FTCDNL1: variants seen among roughly 807,000 people sequenced by gnomAD.
FTCDNL1 encodes the protein formiminotransferase cyclodeaminase N-terminal like, also known as formiminotransferase N-terminal subdomain-containing protein.
Under a neutral mutation model 5.9 loss-of-function variants are expected in FTCDNL1, and 11 were observed. That is an observed-to-expected ratio of 1.87 (90% CI 1.18 to 3.10). The LOEUF (loss-of-function observed/expected upper bound fraction) is 3.10, where lower values mean the gene tolerates loss of function less well. Among genes scored for constraint, FTCDNL1 ranks in the 30% most tolerant of loss-of-function variants. The probability of loss-of-function intolerance (pLI) is 0.00; values close to 1 mark genes in which losing one functional copy is unlikely to be tolerated. For synonymous variants in FTCDNL1, 58 were observed against 24.8 expected (o/e 2.34, Z -3.99); for missense variants, 115 against 65.5 (o/e 1.76, Z -2.61).
chr2:199,673,155 C>T, the FTCDNL1 span, among the ~76,000 whole-genome samples: 146 of 151,834 alleles, frequency 9.6e-4, 1 homozygote, highest in African/African-American at 3.4e-3. Flanking sequence ...TGGTGAAACC[C>T]CGTCTCTACT....
At position 199,834,630 on chromosome 2, in the gene FTCDNL1, G is replaced by A. The variant is rs539240745; in HGVS notation, c.211+11445C>T. On this transcript the variant is annotated intron_variant, in intron 3 of 4. Transcript: ENST00000420128. ...GGGGTAGTCCCAGCCGCCAATACTAGTTTGATCAGTAATAAAGTTATTGTA... is the reference window on the plus strand; with the variant it reads ...GGGGTAGTCCCAGCCGCCAATACTAATTTGATCAGTAATAAAGTTATTGTA... Among the ~76,000 whole-genome samples, 3 of 152,248 alleles carry A rather than the reference G, an allele frequency of 2.0e-5. No individual in the cohort carries two copies. The South Asian group carries it at 6.2e-4, about 32-fold the overall frequency.
intron 3 of FTCDNL1, among the ~76,000 whole-genome samples, chr2:199,829,401 T>C (rs1484564419): frequency 6.6e-6 from 1 of 152,224 alleles, no homozygotes; most frequent in African/African-American, 2.4e-5. Context: ...TATCTAGCAC[T>C]TTCTTTTCAG....
At chr2:199,736,506 A>T in the FTCDNL1 span, among the ~76,000 whole-genome samples, 2 of 152,362 alleles carry the variant, frequency 1.3e-5, no homozygotes, top group Admixed American at 6.5e-5. Context: ...TACCTGCAGC[A>T]TTCTCCCTTA....
chr2:199,695,182 T>C, the FTCDNL1 span, among the ~76,000 whole-genome samples: 1 of 152,214 alleles, frequency 6.6e-6, no homozygotes, highest in South Asian at 2.1e-4. Context: ...AGAAAGAACT[T>C]CAAAATCACA....
At chr2:199,842,603 C>G (rs777184255) in intron 3 of FTCDNL1, among the ~76,000 whole-genome samples, 33 of 152,184 alleles carry the variant, frequency 2.2e-4, no homozygotes, top group Non-Finnish European at 4.3e-4. Context: ...ACTTTGGACC[C>G]ACTTTAAGAA....
At chr2:199,732,152 G>GC in the FTCDNL1 span, among the ~76,000 whole-genome samples, 1 of 152,162 alleles carries the variant, frequency 6.6e-6, no homozygotes, top group African/African-American at 2.4e-5. Flanking sequence ...TTCACTCTCA[G>GC]CCTCCTTTTG....
the FTCDNL1 span, among the ~76,000 whole-genome samples, chr2:199,674,909 A>G: frequency 1.2e-3 from 178 of 152,346 alleles, 1 homozygote; most frequent in African/African-American, 4.1e-3. Context: ...GAACATCAAT[A>G]GAGGAGGTAA....
the FTCDNL1 span, among the ~76,000 whole-genome samples, chr2:199,723,636 G>A: frequency 5.9e-5 from 9 of 152,092 alleles, no homozygotes; most frequent in Admixed American, 2.6e-4. Flanking sequence ...CATCTATTAA[G>A]ATAATCATGT....
the FTCDNL1 span, among the ~76,000 whole-genome samples, chr2:199,701,566 C>T: frequency 1.3e-5 from 2 of 152,148 alleles, no homozygotes; most frequent in Middle Eastern, 3.2e-3. Context: ...CCTAGATGTC[C>T]ATCAATGGTG....
At chr2:199,704,766 A>G in the FTCDNL1 span, among the ~76,000 whole-genome samples, 1 of 152,126 alleles carries the variant, frequency 6.6e-6, no homozygotes, top group East Asian at 1.9e-4. Context: ...ATCAGCAAAG[A>G]AAGCAGCCAC....
chr2:199,834,154 G>A (rs1702557698), intron 3 of FTCDNL1, among the ~76,000 whole-genome samples: 1 of 152,070 alleles, frequency 6.6e-6, no homozygotes, highest in South Asian at 2.1e-4. Flanking sequence ...TCATAAAAAG[G>A]GGAAATTGGG....
chr2:199,770,504 A>G (rs1698756707), intron 3 of FTCDNL1, among the ~76,000 whole-genome samples: 1 of 152,284 alleles, frequency 6.6e-6, no homozygotes, highest in African/African-American at 2.4e-5. Flanking sequence ...TCAAAAATCT[A>G]CTTCTTCATA....
the FTCDNL1 span, among the ~76,000 whole-genome samples, chr2:199,705,668 A>G: frequency 6.6e-6 from 1 of 152,268 alleles, no homozygotes; most frequent in African/African-American, 2.4e-5. Flanking sequence ...TCCTACCTTA[A>G]AGAGAAAACA....
intron 3 of FTCDNL1, among the ~76,000 whole-genome samples, chr2:199,789,798 T>C (rs1242608208): frequency 6.6e-6 from 1 of 152,156 alleles, no homozygotes; most frequent in Non-Finnish European, 1.5e-5. Context: ...TAAATATCAA[T>C]ATATTTTCTC....
At chr2:199,829,417 A>T (rs1180552126) in intron 3 of FTCDNL1, among the ~76,000 whole-genome samples, 4 of 152,182 alleles carry the variant, frequency 2.6e-5, no homozygotes, top group African/African-American at 9.6e-5. Context: ...TTCAGGCTTA[A>T]CTTTAGAGAC....
At chr2:199,669,017 G>C in the FTCDNL1 span, among the ~76,000 whole-genome samples, 1 of 152,024 alleles carries the variant, frequency 6.6e-6, no homozygotes, top group Non-Finnish European at 1.5e-5. Flanking sequence ...CTGTAGTCTA[G>C]TACGTAATAA....
At chr2:199,833,845 C>A (rs1322672510) in intron 3 of FTCDNL1, among the ~76,000 whole-genome samples, 2 of 152,172 alleles carry the variant, frequency 1.3e-5, no homozygotes, top group East Asian at 1.9e-4. Flanking sequence ...TTTTCATATC[C>A]CCACCTTTCA....
At chr2:199,712,969 A>G in the FTCDNL1 span, among the ~76,000 whole-genome samples, 1 of 152,246 alleles carries the variant, frequency 6.6e-6, no homozygotes, top group Non-Finnish European at 1.5e-5. Context: ...ACTTCAAAGT[A>G]TCTTTTTTGG....
At chr2:199,742,396 T>C in the FTCDNL1 span, among the ~76,000 whole-genome samples, 3 of 152,206 alleles carry the variant, frequency 2.0e-5, no homozygotes, top group African/African-American at 7.2e-5. Flanking sequence ...CTCTGTTTCT[T>C]AGGATTTATC....
Sources: allele counts gnomAD v4.1 joint callset (sites outside exome capture counted in the v4.1 genomes callset), GRCh38; gene constraint gnomAD v4.1.1; transcripts MANE v1.5; gene names NCBI Gene and HGNC (gene_info 2026-07-23, HGNC 2026-07-21).